KIF11: variants seen among roughly 807,000 people sequenced by gnomAD.
The protein encoded by KIF11 is kinesin family member 11.
KIF11 carries 9 observed loss-of-function variants against 121.0 expected under a neutral mutation model. That is an observed-to-expected ratio of 0.07 (90% CI 0.04 to 0.13). The LOEUF (loss-of-function observed/expected upper bound fraction) is 0.13. Among genes scored for constraint, KIF11 ranks in the 10% least tolerant of loss-of-function variants. KIF11 has a pLI of 1.00. For synonymous variants in KIF11, 408 were observed against 421.0 expected, an observed-to-expected ratio of 0.97 and a Z score of 0.38; for missense variants, 846 against 1,217.5, an observed-to-expected ratio of 0.69 and a Z score of 4.54.
chr10:92,593,290 T>G lies in KIF11; in HGVS notation c.-86T>G. ...AGCGCCCGAGAGGGACCAGGGAGAC[T>G]CCGGCCCCTGTCGGCCGCCAAGCCC... On this transcript the variant is annotated 5_prime_UTR_variant, in exon 1 of 22. Transcript: ENST00000260731. 1 of 1,399,606 alleles carries G rather than the reference T, an allele frequency of 7.1e-7. No individual in the cohort carries two copies. The highest frequency in any genetic ancestry group is 1.3e-5 in the South Asian group (1 of 76,904). 86.7% of individuals were successfully genotyped at this position (1,399,606 alleles called of 1,614,324 possible).
In KIF11 at chr10:92,600,321, T is replaced by C. The variant is rs963731071; in HGVS notation, c.78-5944T>C. The stretch of plus-strand genomic sequence containing the variant: ...CTTGGCCTTATTTTTATTATTTTTT[T>C]CATCAACTTTTAAGTTCTGGGGTAC... On this transcript the variant is annotated intron_variant, in intron 1 of 21. Transcript: ENST00000260731. Among the ~76,000 whole-genome samples the C allele has an allele frequency of 4.6e-5, 7 of 152,072 alleles. No individual in the cohort carries two copies. In the East Asian group the frequency reaches 5.8e-4, roughly 13 times the overall value.
rs765549864 is a variant in KIF11 at position 92,648,452 on chromosome 10, T to C, written c.2770+18T>C. On this transcript the variant is annotated intron_variant, in intron 19 of 21. Coordinates refer to ENST00000260731, the MANE Select transcript of KIF11 (RefSeq NM_004523.4). ...CCCAACAGGTACTTTAAAAGAGAAA[T>C]AGAATTGTTAAATTTTTTGAAGTCG... 5.4e-6 allele frequency: 8 copies of C among 1,481,418 alleles called. No homozygotes were observed. The highest frequency in any genetic ancestry group is 4.7e-5 in the East Asian group (2 of 42,796). 91.8% of individuals were successfully genotyped at this position (1,481,418 alleles called of 1,614,324 possible). A position where few individuals can be genotyped will look rare whatever the true frequency, so the allele number is the denominator to read the frequency against.
intron 1 of KIF11, chr10:92,597,326 C>T (rs1844308867): frequency 5.1e-6 from 1 of 197,476 alleles, no homozygotes; most frequent in South Asian, 1.0e-4. Flanking sequence ...TGCAGTGGCA[C>T]AGTCTCGGCT....
intron 16 of KIF11, among the ~76,000 whole-genome samples, chr10:92,638,442 A>G (rs1016521696): frequency 1.1e-4 from 16 of 152,286 alleles, no homozygotes; most frequent in Non-Finnish European, 1.6e-4. Flanking sequence ...TTTCTCATAC[A>G]TCTACATAGG....
chr10:92,651,507 G>GTTTTTTTTT lies in KIF11; in HGVS notation c.3039+1023_3039+1031dup, dbSNP rs1175303233. Among the ~76,000 whole-genome samples the GTTTTTTTTT allele has an allele frequency of 4.3e-4, 23 of 52,970 alleles. 5 individuals are homozygous for GTTTTTTTTT. Among genetic ancestry groups the GTTTTTTTTT allele is most frequent in the Non-Finnish European group, 8.4e-4 (20 of 23,898 alleles). 34.8% of individuals were successfully genotyped at this position (52,970 alleles called of 152,430 possible). The stretch of plus-strand genomic sequence containing the variant: ...TGTGCCACCATGCCTGGCTAATTTT[G>GTTTTTTTTT]TTTTTTTTTTTTTTTTTTTTTTTTT... On this transcript the variant is annotated intron_variant, in intron 21 of 21. Coordinates refer to ENST00000260731, the MANE Select transcript of KIF11 (RefSeq NM_004523.4).
intron 1 of KIF11, among the ~76,000 whole-genome samples, chr10:92,601,706 T>C (rs1318311573): frequency 7.0e-6 from 1 of 142,322 alleles, no homozygotes; most frequent in Non-Finnish European, 1.5e-5. Context: ...ATTAAAAAAA[T>C]AATTTTTTTT....
rs182548011 is a variant in KIF11, at chr10:92,603,375, G to A, written c.78-2890G>A. Among the ~76,000 whole-genome samples the A allele has an allele frequency of 1.5e-3, 229 of 148,760 alleles. 2 individuals carry two copies. The highest frequency in any genetic ancestry group is 7.1e-3 in the Middle Eastern group (2 of 280). On this transcript the variant is annotated intron_variant, in intron 1 of 21. Coordinates refer to ENST00000260731, the MANE Select transcript of KIF11 (RefSeq NM_004523.4). ...CCACTTCAGCCTCCCAAGTAGCTGG[G>A]ACTGTAGGTGGCTGCCACCATGCCT...
At chr10:92,601,762 G>A (rs964735940) in intron 1 of KIF11, among the ~76,000 whole-genome samples, 3 of 149,426 alleles carry the variant, frequency 2.0e-5, no homozygotes, top group Non-Finnish European at 3.0e-5. Flanking sequence ...TGCTGATCCT[G>A]AACTCCTGGC....
intron 9 of KIF11, among the ~76,000 whole-genome samples, chr10:92,619,707 G>GT (rs1335621850): frequency 1.3e-5 from 2 of 151,774 alleles, no homozygotes; most frequent in Admixed American, 6.6e-5. Context: ...TCTCATTGTG[G>GT]TTTTTAACTT....
At chr10:92,614,773 T>G (rs1844535593) in intron 8 of KIF11, among the ~76,000 whole-genome samples, 1 of 151,890 alleles carries the variant, frequency 6.6e-6, no homozygotes, top group Non-Finnish European at 1.5e-5. Flanking sequence ...AGTGGAAATT[T>G]TATTTATTTA....
chr10:92,628,959 T>G, intron 11 of KIF11, 64 bp downstream of exon 11: 1 of 909,850 alleles, frequency 1.1e-6, no homozygotes. Flanking sequence ...AATTTTAGAA[T>G]GAAAGATCTA....
chr10:92,614,735 G>A (rs1019499907), intron 8 of KIF11, among the ~76,000 whole-genome samples: 3 of 152,046 alleles, frequency 2.0e-5, no homozygotes, highest in African/African-American at 4.8e-5. Flanking sequence ...TAAAATGTAC[G>A]CTTATTTTAT....
chr10:92,618,368 G>C (rs1844581855), intron 9 of KIF11, among the ~76,000 whole-genome samples: 1 of 151,550 alleles, frequency 6.6e-6, no homozygotes, highest in Admixed American at 6.6e-5. Flanking sequence ...AAACAGGCCA[G>C]GCACGGTGGC....
intron 1 of KIF11, among the ~76,000 whole-genome samples, chr10:92,596,539 CT>C (rs572293361): frequency 7.2e-4 from 87 of 121,386 alleles, no homozygotes; most frequent in East Asian, 9.6e-4. Flanking sequence ...TTTTCTGTTT[CT>C]TTTTTTTTTT....
At chr10:92,615,256 A>G (rs1208924357) in intron 8 of KIF11, among the ~76,000 whole-genome samples, 2 of 152,052 alleles carry the variant, frequency 1.3e-5, no homozygotes, top group Admixed American at 6.5e-5. Flanking sequence ...AATACAAAAA[A>G]TTAGCTGGGC....
Position 92,609,419 on chromosome 10 carries a change from C to T in KIF11, c.608C>T (p.Thr203Ile). 1 of 1,612,076 alleles carries T rather than the reference C, an allele frequency of 6.2e-7. No homozygotes were observed. Among genetic ancestry groups the T allele is most frequent in the Non-Finnish European group, 8.5e-7 (1 of 1,179,338 alleles). ...GVIIKGLEEI[T>I]VHNKDEVYQI... ...ATAATTAAAGGTTTAGAAGAAATTA[C>T]AGTACACAACAAGGATGAAGTCTAT... Residue 203 changes from threonine to isoleucine, a missense_variant, in exon 6 of 22, where the codon ACA becomes ATA. By Grantham distance (89) the Thr-to-Ile change is moderately conservative (BLOSUM62 -1). Around this residue, in one of 5 missense-constraint regions of KIF11, gnomAD observed 116 missense variants for 285.3 expected, o/e 0.41. Transcript: ENST00000260731.
At chr10:92,614,029 C>CACACACACACACACACAA (rs1564706834) in intron 8 of KIF11, among the ~76,000 whole-genome samples, 4 of 63,478 alleles carry the variant, frequency 6.3e-5, no homozygotes, top group African/African-American at 1.7e-4. Context: ...TATACACACA[C>CACACACACACACACACAA]ACACACACAC....
At chr10:92,627,880 G>T (rs963658098) in intron 10 of KIF11, among the ~76,000 whole-genome samples, 2 of 152,032 alleles carry the variant, frequency 1.3e-5, no homozygotes, top group South Asian at 2.1e-4. Context: ...GCTATTTTTT[G>T]ATTAGAGTGG....
chr10:92,654,113 TG>T lies in KIF11; in HGVS notation c.*318del. On this transcript the variant is annotated 3_prime_UTR_variant, in exon 22 of 22. Transcript: ENST00000260731. ...ATCACTTGAACCCAGGAAGCGGGGTTGCAGTGAGCCAAAGGTACACCACTAC... is the reference window on the plus strand; with the variant it reads ...ATCACTTGAACCCAGGAAGCGGGGTTCAGTGAGCCAAAGGTACACCACTAC... The T allele has an allele frequency of 4.7e-6, 1 of 213,062 alleles. No individual in the cohort carries two copies. Among genetic ancestry groups the T allele is most frequent in the Non-Finnish European group, 9.6e-6 (1 of 103,968 alleles). The allele number at this position is 213,062 out of a possible 1,614,324, so 13.2% of individuals were successfully genotyped here.
Sources: gnomAD v4.1 joint callset for allele counts (sites outside exome capture counted in the v4.1 genomes callset) on GRCh38, gnomAD v4.1.1 for gene constraint, gnomAD v4.1.1 regional missense constraint, MANE v1.5 for transcripts, NCBI Gene and HGNC (gene_info 2026-07-23, HGNC 2026-07-21) for gene names.